The following SYNPR variants were observed in gnomAD, a reference collection of about 807,000 sequenced individuals.
SYNPR encodes synaptoporin.
A neutral mutation model predicts 32.9 loss-of-function variants in SYNPR; 23 were observed. That is an observed-to-expected ratio of 0.70 (90% confidence interval 0.50 to 0.99). The LOEUF (loss-of-function observed/expected upper bound fraction) is 0.99, where lower values mean the gene tolerates loss of function less well. Among genes scored for constraint, SYNPR ranks in the 50% least tolerant of loss-of-function variants. SYNPR has a pLI of 0.00. For missense variants in SYNPR, 318 were observed against 349.3 expected (o/e 0.91, Z 0.71); for synonymous variants, 146 against 135.9 (o/e 1.07, Z -0.52).
At chr3:63,542,086 A>T (rs981038844) in intron 3 of SYNPR, among the ~76,000 whole-genome samples, 1 of 152,274 alleles carries the variant, frequency 6.6e-6, no homozygotes, top group Admixed American at 6.5e-5. Context: ...AACTGAATCA[A>T]TAAAAATTTT....
chr3:63,419,446 G>A (rs1324376795), intron 2 of SYNPR, among the ~76,000 whole-genome samples: 1 of 152,170 alleles, frequency 6.6e-6, no homozygotes, highest in African/African-American at 2.4e-5. Flanking sequence ...GGAAGTTGTT[G>A]GTGACAGAGC....
intron 2 of SYNPR, among the ~76,000 whole-genome samples, chr3:63,393,491 C>CTTTTTTTTTTTTTTTTTTTTTTTTTT (rs1482584312): frequency 8.6e-6 from 1 of 116,624 alleles, no homozygotes; most frequent in Non-Finnish European, 1.7e-5. Flanking sequence ...TTCTTTCTTT[C>CTTTTTTTTTTTTTTTTTTTTTTTTTT]TTCTCTTTTT....
intron 4 of SYNPR, chr3:63,561,402 A>G (rs766908144): frequency 7.9e-5 from 12 of 152,324 alleles, no homozygotes; most frequent in Middle Eastern, 3.4e-3. Context: ...ACTTATAGGC[A>G]GAAGGTTCAG....
intron 4 of SYNPR, among the ~76,000 whole-genome samples, chr3:63,594,335 G>A (rs1471479626): frequency 6.6e-6 from 1 of 152,088 alleles, no homozygotes; most frequent in Admixed American, 6.6e-5. Flanking sequence ...TTTCTCACCT[G>A]TAAAATACAG....
At chr3:63,572,156 C>T (rs1317879230) in intron 4 of SYNPR, among the ~76,000 whole-genome samples, 1 of 152,152 alleles carries the variant, frequency 6.6e-6, no homozygotes, top group African/African-American at 2.4e-5. Context: ...AAACAAGTGG[C>T]ACTTTCAGTT....
the SYNPR span, among the ~76,000 whole-genome samples, chr3:63,203,951 A>G: frequency 6.6e-6 from 1 of 152,178 alleles, no homozygotes; most frequent in Non-Finnish European, 1.5e-5. Context: ...GTAAGCCAAG[A>G]TGGCGCCATG....
intron 3 of SYNPR, among the ~76,000 whole-genome samples, chr3:63,483,150 T>C (rs1417664292): frequency 6.6e-6 from 1 of 152,202 alleles, no homozygotes. Context: ...AATACACAAA[T>C]ATATGCATGT....
intron 2 of SYNPR, among the ~76,000 whole-genome samples, chr3:63,429,783 C>T (rs541586805): frequency 3.9e-5 from 6 of 152,318 alleles, no homozygotes; most frequent in East Asian, 1.9e-4. Context: ...GAATGCCATG[C>T]TTTCAAGTTC....
chr3:63,448,998 G>C (rs1342154039), intron 2 of SYNPR, among the ~76,000 whole-genome samples: 1 of 152,178 alleles, frequency 6.6e-6, no homozygotes, highest in Non-Finnish European at 1.5e-5. Flanking sequence ...AGGAAGCAGG[G>C]AGCTGGAAAA....
At chr3:63,229,011 C>A (rs1176569435) in intron 1 of SYNPR, among the ~76,000 whole-genome samples, 2 of 152,170 alleles carry the variant, frequency 1.3e-5, no homozygotes, top group African/African-American at 4.8e-5. Flanking sequence ...TTCCTACTTA[C>A]AATTCTTTCT....
At chr3:63,518,750 G>A (rs1701847464) in intron 3 of SYNPR, among the ~76,000 whole-genome samples, 1 of 152,096 alleles carries the variant, frequency 6.6e-6, no homozygotes. Context: ...TTCTGGAGAA[G>A]GAATTATTAT....
At chr3:63,510,440 G>A (rs973720343) in intron 3 of SYNPR, among the ~76,000 whole-genome samples, 1 of 152,146 alleles carries the variant, frequency 6.6e-6, no homozygotes, top group African/African-American at 2.4e-5. Context: ...GTTTAAAGGA[G>A]GTGACAGCAT....
At chr3:63,351,615 G>A (rs2087511149) in intron 2 of SYNPR, 1 of 152,160 alleles carries the variant, frequency 6.6e-6, no homozygotes. Context: ...AATTCCTGAA[G>A]GTAAATGTGA....
intron 2 of SYNPR, among the ~76,000 whole-genome samples, chr3:63,297,668 C>T (rs894386043): frequency 5.9e-5 from 9 of 152,108 alleles, no homozygotes; most frequent in African/African-American, 9.7e-5. Context: ...AATACTTTAA[C>T]GGTTATCTTT....
intron 2 of SYNPR, among the ~76,000 whole-genome samples, chr3:63,460,388 G>A (rs75963242): frequency 0.026 from 3,945 of 151,906 alleles, 138 homozygotes; most frequent in East Asian, 0.14. Context: ...TCATTTCTAT[G>A]CATCCTTTGG....
At chr3:63,529,558 C>A (rs6801282) in intron 3 of SYNPR, among the ~76,000 whole-genome samples, 1 of 151,982 alleles carries the variant, frequency 6.6e-6, no homozygotes, top group Non-Finnish European at 1.5e-5. Context: ...TAGAATGTGA[C>A]AGTTGAACCT....
rs188479159 is a variant in SYNPR at position 63,278,722 on chromosome 3, T to G, written c.64T>G (p.Phe22Val). The G allele has an allele frequency of 4.8e-4, 743 of 1,551,652 alleles. 24 individuals are homozygous for G. In the East Asian group the frequency reaches 0.018, roughly 38 times the overall value. Residue 22 changes from phenylalanine to valine, a missense_variant, in exon 2 of 6, where the codon TTC becomes GTC. Phe to Val is a conservative substitution (Grantham distance 50). Coordinates refer to ENST00000478300, the MANE Select transcript of SYNPR (RefSeq NM_001130003.2). ...TFRVLKEPLA[F>V]LRALELLFAI... Reference sequence around the variant, plus strand: ...CCGGGTGCTGAAGGAGCCCCTTGCCTTCCTGCGAGCCCTGGAATTGGTGAG... The same window carrying G: ...CCGGGTGCTGAAGGAGCCCCTTGCCGTCCTGCGAGCCCTGGAATTGGTGAG...
intron 2 of SYNPR, among the ~76,000 whole-genome samples, chr3:63,302,539 C>A (rs2086867868): frequency 6.6e-6 from 1 of 152,022 alleles, no homozygotes; most frequent in Non-Finnish European, 1.5e-5. Context: ...TTCTATCTCA[C>A]TTTAATTCAA....
chr3:63,348,854 T>G (rs2087470714), intron 2 of SYNPR, among the ~76,000 whole-genome samples: 2 of 152,228 alleles, frequency 1.3e-5, no homozygotes, highest in Non-Finnish European at 2.9e-5. Flanking sequence ...TGTAGTTTCT[T>G]TTCTGGGTTC....
Sources: allele counts gnomAD v4.1 joint callset (sites outside exome capture counted in the v4.1 genomes callset), GRCh38; gene constraint gnomAD v4.1.1; transcripts MANE v1.5; gene names NCBI Gene and HGNC (gene_info 2026-07-23, HGNC 2026-07-21).